The following ANO3 variants were observed in gnomAD, a reference collection of about 807,000 sequenced individuals.
ANO3 encodes anoctamin 3.
ANO3 carries 99 observed loss-of-function variants against 144.8 expected under a neutral mutation model. The ratio of observed to expected loss-of-function variants is 0.68; its 90% CI spans 0.58 to 0.81. ANO3 has a LOEUF of 0.81. Ranked by LOEUF, ANO3 falls within the 30% of genes least tolerant of loss-of-function variation. ANO3 has a pLI of 0.00. For missense variants in ANO3, 905 were observed against 1,202.2 expected, an observed-to-expected ratio of 0.75 and a Z score of 3.66; for synonymous variants, 414 against 392.6, an observed-to-expected ratio of 1.05 and a Z score of -0.64.
At chr11:26,358,882 G>C (rs894528000) in intron 1 of ANO3, among the ~76,000 whole-genome samples, 3 of 151,896 alleles carry the variant, frequency 2.0e-5, no homozygotes, top group Non-Finnish European at 2.9e-5. Flanking sequence ...CCAGTGTATG[G>C]TTTTTCTCAT....
chr11:26,517,273 G>A (rs1455389854), intron 6 of ANO3, among the ~76,000 whole-genome samples: 4 of 151,986 alleles, frequency 2.6e-5, no homozygotes, highest in African/African-American at 9.7e-5. Flanking sequence ...GAAAGTATAA[G>A]TGCATAGCAT....
intron 17 of ANO3, among the ~76,000 whole-genome samples, chr11:26,623,257 G>C (rs1289674489): frequency 6.6e-6 from 1 of 152,170 alleles, no homozygotes; most frequent in Non-Finnish European, 1.5e-5. Flanking sequence ...TTTGCTGAAA[G>C]AACTGTCAGA....
In ANO3 at chr11:26,472,173, C is replaced by T. The variant is rs184982403; in HGVS notation, c.432+9025C>T. Reference sequence around the variant, plus strand: ...TTCTCTAGTTGTTCAGACATGAAAGCAGCCAGAGAAGACAGATCAGAAACC... The same window carrying T: ...TTCTCTAGTTGTTCAGACATGAAAGTAGCCAGAGAAGACAGATCAGAAACC... On this transcript the variant is annotated intron_variant, in intron 4 of 26. Transcript: ENST00000256737. Among the ~76,000 whole-genome samples, 15 of 152,044 alleles carry T rather than the reference C, an allele frequency of 9.9e-5. No homozygotes were observed. In the East Asian group the frequency reaches 2.9e-3, roughly 30 times the overall value.
chr11:26,443,193 A>T (rs1392788901), intron 2 of ANO3, among the ~76,000 whole-genome samples: 4 of 152,254 alleles, frequency 2.6e-5, no homozygotes, highest in African/African-American at 9.6e-5. Flanking sequence ...CTATTGTGAA[A>T]TCACTACATA....
intron 1 of ANO3, among the ~76,000 whole-genome samples, chr11:26,384,787 A>G (rs1214841994): frequency 2.0e-5 from 3 of 152,134 alleles, no homozygotes; most frequent in East Asian, 1.9e-4. Flanking sequence ...TCTTTTCTAA[A>G]TTTAGTAGCA....
At chr11:26,295,175 G>C (rs183583806) in intron 1 of ANO3, among the ~76,000 whole-genome samples, 1 of 151,838 alleles carries the variant, frequency 6.6e-6, no homozygotes, top group Non-Finnish European at 1.5e-5. Flanking sequence ...CGGCCTCCTA[G>C]AGGGCTGGAT....
intron 4 of ANO3, among the ~76,000 whole-genome samples, chr11:26,465,973 A>G (rs10501055): frequency 0.071 from 10,767 of 151,974 alleles, 627 homozygotes; most frequent in African/African-American, 0.16. Flanking sequence ...TTCAAATCAT[A>G]AGTTTTTAGC....
intron 1 of ANO3, among the ~76,000 whole-genome samples, chr11:26,349,224 A>G (rs562287322): frequency 6.6e-6 from 1 of 152,316 alleles, no homozygotes; most frequent in African/African-American, 2.4e-5. Flanking sequence ...TTACAGTTTG[A>G]CCTTTAAGGC....
intron 1 of ANO3, among the ~76,000 whole-genome samples, chr11:26,268,842 G>A (rs1853374155): frequency 1.3e-5 from 2 of 152,092 alleles, no homozygotes; most frequent in South Asian, 4.1e-4. Flanking sequence ...GACCTAGAAG[G>A]CAGTAAGAAT....
At chr11:26,226,583 CT>C (rs1158811968) in intron 1 of ANO3, among the ~76,000 whole-genome samples, 7 of 152,050 alleles carry the variant, frequency 4.6e-5, no homozygotes, top group African/African-American at 1.7e-4. Context: ...TTTATCTTCC[CT>C]TCTCCCCTAC....
intron 24 of ANO3, among the ~76,000 whole-genome samples, chr11:26,655,246 T>C (rs1033554376): frequency 2.0e-5 from 3 of 152,176 alleles, no homozygotes; most frequent in Non-Finnish European, 4.4e-5. Context: ...ATCAGCCCCA[T>C]GCAATTGGTA....
intron 1 of ANO3, among the ~76,000 whole-genome samples, chr11:26,264,991 G>C (rs970371796): frequency 2.6e-5 from 4 of 151,696 alleles, no homozygotes; most frequent in African/African-American, 9.7e-5. Flanking sequence ...TATTGAAGTT[G>C]GTGGTTTTGG....
intron 1 of ANO3, among the ~76,000 whole-genome samples, chr11:26,223,482 T>A (rs1852191497): frequency 6.6e-6 from 1 of 151,952 alleles, no homozygotes; most frequent in Non-Finnish European, 1.5e-5. Flanking sequence ...GCCCTCCAGA[T>A]TCTTCCAAAT....
At chr11:26,289,338 A>C (rs1853882498) in intron 1 of ANO3, among the ~76,000 whole-genome samples, 1 of 151,662 alleles carries the variant, frequency 6.6e-6, no homozygotes, top group South Asian at 2.1e-4. Context: ...TGGGATAATA[A>C]TACTCATGGT....
At chr11:26,189,951 T>C (rs535938833) in intron 1 of ANO3, among the ~76,000 whole-genome samples, 4 of 152,256 alleles carry the variant, frequency 2.6e-5, no homozygotes, top group Non-Finnish European at 5.9e-5. Flanking sequence ...TATACACTAA[T>C]AGTTTGCATT....
At chr11:26,400,859 G>GAC (rs1401039692) in intron 1 of ANO3, among the ~76,000 whole-genome samples, 53 of 59,998 alleles carry the variant, frequency 8.8e-4, no homozygotes, top group Non-Finnish European at 1.2e-3. Flanking sequence ...TATATATATA[G>GAC]ACACACACAC....
intron 24 of ANO3, among the ~76,000 whole-genome samples, chr11:26,648,652 C>T (rs949267575): frequency 6.6e-6 from 1 of 152,168 alleles, no homozygotes; most frequent in Non-Finnish European, 1.5e-5. Context: ...GTTTTCTCAG[C>T]TCTTTCCTTA....
chr11:26,643,143 A>G, intron 22 of ANO3, 39 bp from the exon 23 acceptor site: 1 of 1,597,432 alleles, frequency 6.3e-7, no homozygotes, highest in Non-Finnish European at 8.5e-7. Context: ...GTCACAAAGG[A>G]AGTTTATATA....
chr11:26,347,966 T>C (rs1855537558), intron 1 of ANO3, among the ~76,000 whole-genome samples: 1 of 152,194 alleles, frequency 6.6e-6, no homozygotes, highest in Non-Finnish European at 1.5e-5. Flanking sequence ...GCTTGCCCAT[T>C]GGGTACTCTT....
Sources: gnomAD v4.1 joint callset for allele counts (sites outside exome capture counted in the v4.1 genomes callset) on GRCh38, gnomAD v4.1.1 for gene constraint, MANE v1.5 for transcripts, NCBI Gene and HGNC (gene_info 2026-07-23, HGNC 2026-07-21) for gene names.